DRC9: variants seen among roughly 807,000 people sequenced by gnomAD.
DRC9 encodes the protein dynein regulatory complex protein 9.
the DRC9 span, chr3:197,958,191 CAG>C: frequency 2.0e-5 from 3 of 152,258 alleles, no homozygotes; most frequent in Non-Finnish European, 4.4e-5. Flanking sequence ...CCACAACCTC[CAG>C]AGAATCTGGT....
the DRC9 span, among the ~76,000 whole-genome samples, chr3:197,901,951 C>T: frequency 6.6e-6 from 1 of 152,162 alleles, no homozygotes; most frequent in Non-Finnish European, 1.5e-5. This position sits in a 1 kb window ranked among gnomAD's most constrained non-coding sequence, Gnocchi z 4.4. Context: ...TCAGGTATGA[C>T]CTAGCACAGT....
chr3:197,907,713 G>T, the DRC9 span, among the ~76,000 whole-genome samples: 7 of 151,474 alleles, frequency 4.6e-5, no homozygotes, highest in East Asian at 1.2e-3. Context: ...TGAAGAGTGA[G>T]CCGTTTCCAA....
chr3:197,909,685 C>G, the DRC9 span, among the ~76,000 whole-genome samples: 1 of 152,096 alleles, frequency 6.6e-6, no homozygotes, highest in Non-Finnish European at 1.5e-5. Context: ...ATAGCATGAT[C>G]CAATTTACTT....
At chr3:197,939,014 G>A in the DRC9 span, 1 of 480,922 alleles carries the variant, frequency 2.1e-6, no homozygotes, top group Non-Finnish European at 3.7e-6. Context: ...CTGCTCAAAA[G>A]TAAAGTTCTT....
chr3:197,911,385 G>A, the DRC9 span, among the ~76,000 whole-genome samples: 1,876 of 152,164 alleles, frequency 0.012, 39 homozygotes, highest in African/African-American at 0.043. Context: ...TTAGTAAATA[G>A]TTGCCATGAA....
At chr3:197,953,613 T>G in the DRC9 span, 1 of 458,530 alleles carries the variant, frequency 2.2e-6, no homozygotes, top group East Asian at 6.9e-5. Flanking sequence ...CCAGTCTTTG[T>G]TCCATGGTCA....
At chr3:197,925,197 C>T in the DRC9 span, among the ~76,000 whole-genome samples, 2 of 52,888 alleles carry the variant, frequency 3.8e-5, no homozygotes, top group South Asian at 6.8e-4. Context: ...TGGGATATGA[C>T]GATGGGATGA....
chr3:197,904,141 T>C, the DRC9 span, among the ~76,000 whole-genome samples: 1 of 147,082 alleles, frequency 6.8e-6, no homozygotes, highest in African/African-American at 2.5e-5. Flanking sequence ...AAGATCTGAA[T>C]AGGCATTTCT....
chr3:197,944,391 T>C, the DRC9 span, among the ~76,000 whole-genome samples: 1 of 152,076 alleles, frequency 6.6e-6, no homozygotes, highest in Non-Finnish European at 1.5e-5. Flanking sequence ...CCCGAGTAGC[T>C]GGGATTACAG....
chr3:197,950,997 G>A, the DRC9 span: 1 of 1,613,034 alleles, frequency 6.2e-7, no homozygotes, highest in Non-Finnish European at 8.5e-7. Flanking sequence ...TTTAAATATA[G>A]TTCTTTATTT....
chr3:197,895,359 T>C, the DRC9 span, among the ~76,000 whole-genome samples: 1 of 152,146 alleles, frequency 6.6e-6, no homozygotes, highest in African/African-American at 2.4e-5. Flanking sequence ...AGCCTCCACC[T>C]CCAGGGCTCA....
chr3:197,915,163 C>CA, the DRC9 span, among the ~76,000 whole-genome samples: 10,214 of 71,016 alleles, frequency 0.14, 922 homozygotes, highest in Non-Finnish European at 0.22. Flanking sequence ...GATTCTGTCT[C>CA]AAAAAAAAAA....
chr3:197,918,639 G>A, the DRC9 span, among the ~76,000 whole-genome samples: 144 of 152,120 alleles, frequency 9.5e-4, 2 homozygotes, highest in Middle Eastern at 6.8e-3. Context: ...AATAGTGTCC[G>A]TACATACAAA....
At chr3:197,909,462 A>C in the DRC9 span, among the ~76,000 whole-genome samples, 2 of 152,250 alleles carry the variant, frequency 1.3e-5, no homozygotes, top group Non-Finnish European at 2.9e-5. Flanking sequence ...ATACCTTTCC[A>C]CATACCATAC....
chr3:197,953,674 T>C, the DRC9 span: 1 of 439,976 alleles, frequency 2.3e-6, no homozygotes, highest in Admixed American at 2.9e-5. Context: ...ATTCCTCCTT[T>C]CTGTACACAC....
the DRC9 span, among the ~76,000 whole-genome samples, chr3:197,914,660 C>A: frequency 6.6e-6 from 1 of 152,114 alleles, no homozygotes; most frequent in African/African-American, 2.4e-5. Context: ...ATAGAGCTTA[C>A]AGTCTAATAG....
chr3:197,958,683 CGAG>C, the DRC9 span: 1 of 152,164 alleles, frequency 6.6e-6, no homozygotes, highest in Non-Finnish European at 1.5e-5. Flanking sequence ...GACTTTAACT[CGAG>C]TAACTTACAT....
chr3:197,924,036 T>C, the DRC9 span, among the ~76,000 whole-genome samples: 1 of 151,562 alleles, frequency 6.6e-6, no homozygotes, highest in East Asian at 2.0e-4. Flanking sequence ...CCAGCCTGAG[T>C]GACAGAGTGA....
At chr3:197,953,823 G>C in the DRC9 span, 2 of 666,452 alleles carry the variant, frequency 3.0e-6, no homozygotes, top group Middle Eastern at 4.1e-4. Flanking sequence ...TTACAGAAGG[G>C]CCTGGCATAC....
Sources: gnomAD v4.1 joint callset for allele counts (sites outside exome capture counted in the v4.1 genomes callset) on GRCh38, gnomAD v4.1.1 for gene constraint, Gnocchi (gnomAD v3.1) non-coding constraint, MANE v1.5 for transcripts, NCBI Gene and HGNC (gene_info 2026-07-23, HGNC 2026-07-21) for gene names.